Variants in COL5A1 observed in about 807,000 individuals in gnomAD.
COL5A1 encodes the protein collagen type V alpha 1 chain, also known as collagen alpha-1(V) chain.
COL5A1 carries 16 observed loss-of-function variants against 263.7 expected under a neutral mutation model. The observed-to-expected ratio is 0.06, with a 90% CI of 0.04 to 0.09. The LOEUF is 0.09. Ranked by LOEUF, COL5A1 falls within the 10% of genes least tolerant of loss-of-function variation. The pLI is 1.00. For synonymous variants in COL5A1, 1,012 were observed against 1,004.5 expected (o/e 1.01, Z -0.14); for missense variants, 2,036 against 2,540.5 (o/e 0.80, Z 4.27).
chr9:134,701,051 G>T (rs548850058), intron 3 of COL5A1, 120 bp from the exon 4 acceptor site: 4 of 1,018,430 alleles, frequency 3.9e-6, no homozygotes, highest in Non-Finnish European at 6.0e-6. Flanking sequence ...GATCTGCTCC[G>T]CCCCACCACG....
chr9:134,833,764 C>T (rs1839742759), intron 64 of COL5A1, among the ~76,000 whole-genome samples: 1 of 152,362 alleles, frequency 6.6e-6, no homozygotes, highest in African/African-American at 2.4e-5. Context: ...CACAGTCTCC[C>T]TGGCCAGGGC....
chr9:134,650,627 C>T (rs1382689254), intron 1 of COL5A1, among the ~76,000 whole-genome samples: 1 of 152,220 alleles, frequency 6.6e-6, no homozygotes, highest in African/African-American at 2.4e-5. Context: ...TAGGGAGGCA[C>T]CTGCCAGCCC....
intron 48 of COL5A1, among the ~76,000 whole-genome samples, chr9:134,813,443 T>G (rs4841931): frequency 6.6e-6 from 1 of 152,062 alleles, no homozygotes; most frequent in African/African-American, 2.4e-5. Context: ...TCATTTTTTA[T>G]GATACAGAAA....
intron 25 of COL5A1, among the ~76,000 whole-genome samples, chr9:134,769,526 T>C (rs1836799670): frequency 6.6e-6 from 1 of 152,196 alleles, no homozygotes; most frequent in Non-Finnish European, 1.5e-5. Context: ...AAAATTACAG[T>C]AAAATTATAG....
At chr9:134,802,153 C>A in intron 38 of COL5A1, 146 bp downstream of exon 38, 3 of 821,330 alleles carry the variant, frequency 3.7e-6, no homozygotes, top group South Asian at 1.4e-5. Context: ...GAATGTTGGT[C>A]AGCGTGAGGC....
chr9:134,663,492 G>A (rs114482279), intron 1 of COL5A1, among the ~76,000 whole-genome samples: 1,627 of 152,140 alleles, frequency 0.011, 26 homozygotes, highest in African/African-American at 0.037. Flanking sequence ...GAGGGGGGAG[G>A]ATAAATGTCA....
chr9:134,822,163 G>C lies in COL5A1; in HGVS notation c.4608+13G>C. ...CCCTGGCCTGCCGGTGTGTATCTGG[G>C]AGGGGCTTGGTCATTCCTGGGAGGG... On this transcript the variant is annotated intron_variant, in intron 59 of 65. Transcript: ENST00000371817. The C allele has an allele frequency of 6.2e-7, 1 of 1,602,526 alleles. No individual in the cohort carries two copies. Among genetic ancestry groups the C allele is most frequent in the Non-Finnish European group, 8.5e-7 (1 of 1,170,384 alleles).
At chr9:134,670,666 T>TA (rs766543736) in intron 1 of COL5A1, among the ~76,000 whole-genome samples, 27 of 152,274 alleles carry the variant, frequency 1.8e-4, no homozygotes, top group East Asian at 3.9e-4. Context: ...GAATTACTCT[T>TA]AAGAGTGGAA....
At chr9:134,654,250 TGTTTTGGGCTGTAG>T (rs1302121982) in intron 1 of COL5A1, among the ~76,000 whole-genome samples, 2 of 76,808 alleles carry the variant, frequency 2.6e-5, no homozygotes, top group Admixed American at 1.4e-4. Context: ...GGGCTGGGGG[TGTTTTGGGCTGTAG>T]GTGTGTAGGG....
intron 2 of COL5A1, among the ~76,000 whole-genome samples, chr9:134,695,732 C>T (rs1445220422): frequency 3.9e-5 from 6 of 152,184 alleles, no homozygotes; most frequent in Non-Finnish European, 7.4e-5. Context: ...ACTCTATCTT[C>T]GACCCCATGG....
Position 134,772,841 on chromosome 9 carries a change from G to A in COL5A1, c.2331+7G>A. The A allele has an allele frequency of 6.2e-7, 1 of 1,613,634 alleles. No individual in the cohort carries two copies. Among genetic ancestry groups the A allele is most frequent in the Non-Finnish European group, 8.5e-7 (1 of 1,179,924 alleles). ...AGGAGAGAAAGGAGGTCAGGTGGGT[G>A]CTCGCCACGCCCTCCTACCCTTCAG... On this transcript the variant is annotated splice_region_variant and intron_variant, in intron 26 of 65. Coordinates refer to ENST00000371817, the MANE Select transcript of COL5A1 (RefSeq NM_000093.5).
At chr9:134,723,004 G>T (rs1392524981) in intron 4 of COL5A1, among the ~76,000 whole-genome samples, 1 of 152,196 alleles carries the variant, frequency 6.6e-6, no homozygotes, top group Non-Finnish European at 1.5e-5. Context: ...ACTGTGATGG[G>T]GTCTCAGGGG....
chr9:134,735,383 T>C (rs143752629), intron 9 of COL5A1, among the ~76,000 whole-genome samples: 322 of 152,064 alleles, frequency 2.1e-3, no homozygotes, highest in Middle Eastern at 6.8e-3. Context: ...GCAAATGACA[T>C]CTACAGTGCA....
intron 18 of COL5A1, among the ~76,000 whole-genome samples, chr9:134,760,463 C>A (rs1430641628): frequency 6.5e-5 from 7 of 108,100 alleles, no homozygotes; most frequent in African/African-American, 2.7e-4. Context: ...ACCCACACAC[C>A]CCCACATTCA....
intron 63 of COL5A1, among the ~76,000 whole-genome samples, chr9:134,828,583 C>CACACACACGATAA: frequency 2.0e-4 from 3 of 15,376 alleles, no homozygotes; most frequent in African/African-American, 4.7e-4. Context: ...CCACATATAC[C>CACACACACGATAA]ACACCACACA....
chr9:134,666,768 G>A (rs573268199), intron 1 of COL5A1, among the ~76,000 whole-genome samples: 2 of 152,340 alleles, frequency 1.3e-5, no homozygotes, highest in African/African-American at 4.8e-5. Context: ...ACCTGGGCTG[G>A]CCTTGATTCA....
At chr9:134,816,080 C>T (rs1564478573) in intron 52 of COL5A1, 92 bp downstream of exon 52, 2 of 1,234,780 alleles carry the variant, frequency 1.6e-6, no homozygotes, top group Non-Finnish European at 1.2e-6. Flanking sequence ...GGGAAAAACT[C>T]CAACCTAGTT....
chr9:134,735,228 G>T (rs573392911), intron 9 of COL5A1, among the ~76,000 whole-genome samples: 1 of 149,744 alleles, frequency 6.7e-6, no homozygotes, highest in East Asian at 1.9e-4. Context: ...AAAAAAAATT[G>T]TGTGCATTGA....
chr9:134,679,724 G>A (rs1296244797), intron 1 of COL5A1, among the ~76,000 whole-genome samples: 3 of 138,830 alleles, frequency 2.2e-5, no homozygotes, highest in Non-Finnish European at 4.6e-5. Flanking sequence ...AGCTGGTTAC[G>A]GGGCACTGTG....
Sources: allele counts gnomAD v4.1 joint callset (sites outside exome capture counted in the v4.1 genomes callset), GRCh38; gene constraint gnomAD v4.1.1; transcripts MANE v1.5; gene names NCBI Gene and HGNC (gene_info 2026-07-23, HGNC 2026-07-21).